The following LRP1B variants were observed in gnomAD, a reference collection of about 807,000 sequenced individuals.
The protein encoded by LRP1B is low-density lipoprotein receptor-related protein 1B.
A neutral mutation model predicts 556.6 loss-of-function variants in LRP1B; 217 were observed. That is an observed-to-expected ratio of 0.39 (90% confidence interval 0.35 to 0.44). The LOEUF (loss-of-function observed/expected upper bound fraction) is 0.44. LRP1B is among the 20% of genes least tolerant of loss of function. The pLI is 1.00. For missense variants in LRP1B, 5,053 were observed against 5,620.8 expected, an observed-to-expected ratio of 0.90 and a Z score of 3.23; for synonymous variants, 2,047 against 1,865.8, an observed-to-expected ratio of 1.10 and a Z score of -2.50.
At position 141,393,690 on chromosome 2, in the gene LRP1B, A is replaced by C. The variant is rs112789789; in HGVS notation, c.343+86706T>G. Among the ~76,000 whole-genome samples the C allele has an allele frequency of 9.2e-3, 1,400 of 152,266 alleles. 18 individuals carry two copies. The highest frequency in any genetic ancestry group is 0.031 in the African/African-American group (1,281 of 41,564). On this transcript the variant is annotated intron_variant, in intron 3 of 90. Coordinates refer to ENST00000389484, the MANE Select transcript of LRP1B (RefSeq NM_018557.3). ...AAATAAAAACAAATTTAACAGTATAATGTATACTGTAGTTTGGAAGACAAG... is the reference window on the plus strand; with the variant it reads ...AAATAAAAACAAATTTAACAGTATACTGTATACTGTAGTTTGGAAGACAAG...
chr2:141,137,663 G>C (rs1701524061), intron 7 of LRP1B, among the ~76,000 whole-genome samples: 1 of 151,672 alleles, frequency 6.6e-6, no homozygotes, highest in African/African-American at 2.4e-5. Flanking sequence ...TAAATGTCTT[G>C]GTCCTCCAGC....
rs2104917231 is a variant in LRP1B at position 140,509,995 on chromosome 2, T to A, written c.8331A>T (p.Arg2777=). The change falls in exon 52 of 91, where the codon CGA becomes CGT. Residue 2777 remains arginine, a synonymous_variant. Transcript: ENST00000389484. ...CCCTTTCACCATCACAAAGCCAATG[T>A]CGGGGCACGCAGGCACGAGAGCCCT... ...SCQGSRACVP[R]HWLCDGERDC... is the part of the protein sequence containing the mutation. 1 of 1,613,992 alleles carries A rather than the reference T, an allele frequency of 6.2e-7. No individual in the cohort carries two copies. Among genetic ancestry groups the A allele is most frequent in the Admixed American group, 1.7e-5 (1 of 60,016 alleles).
intron 29 of LRP1B, among the ~76,000 whole-genome samples, chr2:140,847,644 A>G (rs1559154013): frequency 6.6e-6 from 1 of 151,852 alleles, no homozygotes; most frequent in African/African-American, 2.4e-5. Context: ...GTGTGCACCT[A>G]TAATCCCAGC....
intron 7 of LRP1B, among the ~76,000 whole-genome samples, chr2:141,158,626 G>A (rs183984001): frequency 5.3e-5 from 8 of 152,152 alleles, no homozygotes; most frequent in East Asian, 1.9e-4. Context: ...ATCCAATGTC[G>A]TGGTGTAAGT....
intron 2 of LRP1B, among the ~76,000 whole-genome samples, chr2:141,682,009 A>G (rs921698590): frequency 9.9e-5 from 15 of 152,118 alleles, no homozygotes; most frequent in East Asian, 3.9e-4. Context: ...TGCTTTAACT[A>G]TGTTGCTTTT....
At chr2:140,479,509 T>C (rs756414727) in intron 59 of LRP1B, among the ~76,000 whole-genome samples, 7 of 152,124 alleles carry the variant, frequency 4.6e-5, no homozygotes, top group Non-Finnish European at 7.4e-5. Context: ...ACCATAACAA[T>C]AGGCCTCTGT....
intron 2 of LRP1B, among the ~76,000 whole-genome samples, chr2:141,694,292 A>T (rs1396615512): frequency 1.3e-5 from 2 of 152,072 alleles, no homozygotes; most frequent in Non-Finnish European, 1.5e-5. Flanking sequence ...GAAGTCAGAT[A>T]AATGAAAGTG....
chr2:141,013,638 C>G lies in LRP1B; in HGVS notation c.2298G>C (p.Leu766Phe), dbSNP rs1266727147. The part of the protein sequence containing the change: ...YMNGSIFQLD[L>F]ITSEVTLLRH... Reference sequence around the variant, plus strand: ...TCAGCAATGTCACCTCACTTGTTATCAAATCTAGTTGAAAAATGGAACCAT... The same window carrying G: ...TCAGCAATGTCACCTCACTTGTTATGAAATCTAGTTGAAAAATGGAACCAT... Residue 766 changes from leucine (L) to phenylalanine (F), a missense_variant, in exon 14 of 91, where the codon TTG becomes TTC. By Grantham distance (22) the Leu-to-Phe change is conservative. This residue lies in a region of LRP1B where 3,619 missense variants were observed against 3,931.9 expected (regional missense o/e 0.92). Transcript: ENST00000389484. 4.3e-6 allele frequency: 7 copies of G among 1,612,388 alleles called. No homozygotes were observed. The highest frequency in any genetic ancestry group is 5.9e-6 in the Non-Finnish European group (7 of 1,179,066).
intron 1 of LRP1B, among the ~76,000 whole-genome samples, chr2:142,023,847 A>G (rs754707155): frequency 6.6e-6 from 1 of 151,536 alleles, no homozygotes; most frequent in African/African-American, 2.4e-5. Context: ...CCCTGCCTCT[A>G]TGAAGCATTT....
intron 87 of LRP1B, among the ~76,000 whole-genome samples, chr2:140,246,025 C>T (rs555311275): frequency 1.3e-5 from 2 of 151,454 alleles, no homozygotes; most frequent in Non-Finnish European, 3.0e-5. Context: ...ATTAATAAAC[C>T]CAAATTAATC....
In LRP1B at chr2:140,231,749, G is replaced by A. The variant is rs1680480736; in HGVS notation, c.*1437C>T. ...CAGTTTTTTTAATGCTTGTACAAAG[G>A]GATAAAGAGCAACCACATATTTAAC... On this transcript the variant is annotated 3_prime_UTR_variant, in exon 91 of 91. Transcript: ENST00000389484. 1 of 151,314 alleles carries A rather than the reference G, an allele frequency of 6.6e-6. No individual in the cohort carries two copies. Among genetic ancestry groups the A allele is most frequent in the South Asian group, 2.1e-4 (1 of 4,802 alleles). The allele number at this position is 151,314 out of a possible 1,614,324, so 9.4% of individuals were successfully genotyped here.
intron 14 of LRP1B, among the ~76,000 whole-genome samples, chr2:141,007,559 G>T (rs1697612979): frequency 6.6e-6 from 1 of 151,078 alleles, no homozygotes; most frequent in South Asian, 2.1e-4. Flanking sequence ...TTATTCCATG[G>T]CCATGGAATA....
chr2:141,325,294 T>G (rs1268177817), intron 3 of LRP1B, among the ~76,000 whole-genome samples: 1 of 152,098 alleles, frequency 6.6e-6, no homozygotes, highest in Admixed American at 6.6e-5. Context: ...TGGTCATTTA[T>G]TTTTCTTGCA....
chr2:141,845,569 C>T (rs1332806471), intron 1 of LRP1B, among the ~76,000 whole-genome samples: 3 of 151,848 alleles, frequency 2.0e-5, no homozygotes, highest in African/African-American at 7.3e-5. Context: ...CTGAGGCATT[C>T]TTCCTTTAGG....
intron 7 of LRP1B, among the ~76,000 whole-genome samples, chr2:141,072,336 G>C (rs1381183114): frequency 6.6e-6 from 1 of 151,954 alleles, no homozygotes; most frequent in Non-Finnish European, 1.5e-5. Flanking sequence ...CGGTACCCAG[G>C]TTTCTGTCTT....
intron 1 of LRP1B, among the ~76,000 whole-genome samples, chr2:141,862,807 G>T (rs1347666579): frequency 6.6e-6 from 1 of 152,166 alleles, no homozygotes; most frequent in African/African-American, 2.4e-5. Context: ...GATTATAAAA[G>T]AAATGAAAGT....
rs112390373 is a variant in LRP1B at position 140,951,846 on chromosome 2, C to T, written c.2968+14G>A. The T allele has an allele frequency of 3.8e-4, 604 of 1,602,436 alleles. 3 individuals are homozygous for T. The African/African-American group carries it at 6.9e-3, about 18-fold the overall frequency. On this transcript the variant is annotated intron_variant, in intron 19 of 90. Coordinates refer to ENST00000389484, the MANE Select transcript of LRP1B (RefSeq NM_018557.3). ...GATCAAATTAGTGCTATACAGTGAG[C>T]ATTTGGTACTTGCCAGAGTCGCAGT...
intron 66 of LRP1B, among the ~76,000 whole-genome samples, chr2:140,435,422 TC>T (rs1686131185): frequency 6.6e-6 from 1 of 152,182 alleles, no homozygotes; most frequent in Admixed American, 6.5e-5. Flanking sequence ...AATTCCTGAC[TC>T]AATTCCTTTT....
chr2:141,705,009 A>G (rs1043042308), intron 2 of LRP1B, among the ~76,000 whole-genome samples: 18 of 152,028 alleles, frequency 1.2e-4, no homozygotes, highest in Admixed American at 3.9e-4. Flanking sequence ...GAGACAAAAC[A>G]TCTGCTCCTT....
Sources: gnomAD v4.1 joint callset for allele counts (sites outside exome capture counted in the v4.1 genomes callset) on GRCh38, gnomAD v4.1.1 for gene constraint, gnomAD v4.1.1 regional missense constraint, MANE v1.5 for transcripts, NCBI Gene and HGNC (gene_info 2026-07-23, HGNC 2026-07-21) for gene names.